Variants in NELL1 observed in about 807,000 individuals in gnomAD.
NELL1 encodes the protein protein kinase C-binding protein NELL1.
In NELL1, 76 loss-of-function variants were observed where a neutral mutation model predicts 107.4. The observed-to-expected ratio is 0.71, with a 90% confidence interval of 0.59 to 0.86. The LOEUF (loss-of-function observed/expected upper bound fraction) is 0.86, where lower values mean the gene tolerates loss of function less well. Among genes scored for constraint, NELL1 ranks in the 40% least tolerant of loss-of-function variants. The pLI is 0.00. For missense variants in NELL1, 1,024 were observed against 1,005.5 expected (o/e 1.02, Z -0.25); for synonymous variants, 353 against 341.2 (o/e 1.03, Z -0.38).
At chr11:21,493,801 C>A (rs575651978) in intron 15 of NELL1, among the ~76,000 whole-genome samples, 1 of 152,012 alleles carries the variant, frequency 6.6e-6, no homozygotes, top group African/African-American at 2.4e-5. Context: ...GTGATAGATA[C>A]CACAAATATT....
chr11:21,484,037 AATGTGACCTC>A (rs1854564997), intron 15 of NELL1, among the ~76,000 whole-genome samples: 1 of 131,884 alleles, frequency 7.6e-6, no homozygotes, highest in South Asian at 2.4e-4. Context: ...ATATATGTCA[AATGTGACCTC>A]ATTATATAAA....
At chr11:21,082,764 A>G in intron 12 of NELL1, among the ~76,000 whole-genome samples, 1 of 151,598 alleles carries the variant, frequency 6.6e-6, no homozygotes, top group Non-Finnish European at 1.5e-5. Flanking sequence ...CTATATTCTC[A>G]CTCTGTGTCT....
chr11:21,570,046 G>T (rs1038713859), intron 17 of NELL1, among the ~76,000 whole-genome samples: 2 of 151,814 alleles, frequency 1.3e-5, no homozygotes, highest in Non-Finnish European at 2.9e-5. Flanking sequence ...TACTCTTACT[G>T]CTTAAGTGCT....
At chr11:20,892,801 C>T (rs866436914) in intron 5 of NELL1, among the ~76,000 whole-genome samples, 7 of 152,000 alleles carry the variant, frequency 4.6e-5, no homozygotes, top group African/African-American at 1.2e-4. Context: ...TGGCGGCACG[C>T]GCCAGTAATC....
At chr11:21,494,198 G>C (rs1854913861) in intron 15 of NELL1, among the ~76,000 whole-genome samples, 1 of 151,870 alleles carries the variant, frequency 6.6e-6, no homozygotes, top group South Asian at 2.1e-4. Context: ...TTGTTTGGAA[G>C]AATTAACAAA....
At chr11:21,217,040 T>G (rs757959686) in intron 13 of NELL1, among the ~76,000 whole-genome samples, 1 of 152,186 alleles carries the variant, frequency 6.6e-6, no homozygotes, top group Non-Finnish European at 1.5e-5. Flanking sequence ...AATTTAGTCA[T>G]GAGGGTAGTT....
chr11:21,174,521 A>T (rs376756917), intron 13 of NELL1, among the ~76,000 whole-genome samples: 3 of 151,906 alleles, frequency 2.0e-5, no homozygotes, highest in Non-Finnish European at 1.5e-5. Flanking sequence ...TAGTTGGTTA[A>T]ATATATCCTC....
intron 15 of NELL1, among the ~76,000 whole-genome samples, chr11:21,415,395 A>G (rs1037850404): frequency 3.9e-5 from 6 of 151,988 alleles, no homozygotes; most frequent in African/African-American, 1.4e-4. Flanking sequence ...ACTTAAAAGG[A>G]TTGAATTTCT....
At chr11:21,508,312 A>G (rs1288131646) in intron 15 of NELL1, among the ~76,000 whole-genome samples, 1 of 152,188 alleles carries the variant, frequency 6.6e-6, no homozygotes, top group East Asian at 1.9e-4. Flanking sequence ...AAATGAGTCA[A>G]AAAGAAATAA....
chr11:21,176,137 G>C (rs1590706028), intron 13 of NELL1, among the ~76,000 whole-genome samples: 1 of 151,930 alleles, frequency 6.6e-6, no homozygotes, highest in Non-Finnish European at 1.5e-5. Context: ...GATTAAATAA[G>C]CTAATGCATA....
At chr11:21,323,116 A>G (rs747557138) in intron 14 of NELL1, among the ~76,000 whole-genome samples, 3 of 152,200 alleles carry the variant, frequency 2.0e-5, no homozygotes, top group Admixed American at 6.5e-5. Flanking sequence ...GTACAAAACA[A>G]TGAAGTAGAG....
At chr11:21,402,178 C>T (rs1852113266) in intron 15 of NELL1, among the ~76,000 whole-genome samples, 1 of 151,740 alleles carries the variant, frequency 6.6e-6, no homozygotes. Flanking sequence ...ATCTAACTTT[C>T]CTGGCGTCAA....
At chr11:21,573,700 A>T (rs541556369) in intron 19 of NELL1, among the ~76,000 whole-genome samples, 1 of 151,744 alleles carries the variant, frequency 6.6e-6, no homozygotes, top group South Asian at 2.1e-4. Flanking sequence ...CTCTTTTGAC[A>T]TGCATATTAA....
At chr11:20,994,459 A>G (rs1048568219) in intron 12 of NELL1, among the ~76,000 whole-genome samples, 1 of 152,252 alleles carries the variant, frequency 6.6e-6, no homozygotes, top group Non-Finnish European at 1.5e-5. Flanking sequence ...TGATTCAAAG[A>G]GCAGAAAGTC....
chr11:20,687,952 AAGT>A (rs1190978565), intron 2 of NELL1, among the ~76,000 whole-genome samples: 2 of 152,140 alleles, frequency 1.3e-5, no homozygotes, highest in Non-Finnish European at 2.9e-5. Context: ...TGTTTTAACT[AAGT>A]AGTCTGTTTT....
intron 2 of NELL1, among the ~76,000 whole-genome samples, chr11:20,782,080 A>G (rs1856862373): frequency 6.6e-6 from 1 of 151,948 alleles, no homozygotes; most frequent in Non-Finnish European, 1.5e-5. Context: ...AATAATATTA[A>G]CAAACATTTT....
At chr11:21,409,790 C>T (rs1382225198) in intron 15 of NELL1, among the ~76,000 whole-genome samples, 1 of 151,726 alleles carries the variant, frequency 6.6e-6, no homozygotes, top group African/African-American at 2.4e-5. Context: ...GGTCTAGATG[C>T]AATCTGTCGC....
intron 15 of NELL1, among the ~76,000 whole-genome samples, chr11:21,442,753 A>G (rs1853316271): frequency 6.6e-6 from 1 of 152,136 alleles, no homozygotes; most frequent in African/African-American, 2.4e-5. Context: ...GAAGACTGGA[A>G]TTGGAGCTGA....
intron 14 of NELL1, among the ~76,000 whole-genome samples, chr11:21,290,902 G>C (rs889719199): frequency 1.3e-5 from 2 of 152,250 alleles, no homozygotes; most frequent in African/African-American, 4.8e-5. Context: ...GTGCAAAAAG[G>C]CTGAAAATTC....
Sources: gnomAD v4.1 joint callset for allele counts (sites outside exome capture counted in the v4.1 genomes callset) on GRCh38, gnomAD v4.1.1 for gene constraint, MANE v1.5 for transcripts, NCBI Gene and HGNC (gene_info 2026-07-23, HGNC 2026-07-21) for gene names.